SLC6A11: variants seen among roughly 807,000 people sequenced by gnomAD.
SLC6A11 encodes the protein sodium- and chloride-dependent GABA transporter 3.
A neutral mutation model predicts 74.8 loss-of-function variants in SLC6A11; 25 were observed. The observed-to-expected ratio is 0.33, with a 90% CI of 0.24 to 0.47. The LOEUF (loss-of-function observed/expected upper bound fraction) is 0.47. Among genes scored for constraint, SLC6A11 ranks in the 20% least tolerant of loss-of-function variants. SLC6A11 has a pLI of 1.00. For synonymous variants in SLC6A11, 330 were observed against 330.2 expected (o/e 1.00, Z 0.01); for missense variants, 574 against 837.0 (o/e 0.69, Z 3.88).
Position 10,896,133 on chromosome 3 carries a change from G to A in SLC6A11, c.892-15957G>A, listed in dbSNP as rs80339488. On this transcript the variant is annotated intron_variant, in intron 6 of 13. Transcript: ENST00000254488. ...CAGGGCCAGCTGTTGCAGCATTTCT[G>A]GGACAGAATGAGTGGGCCTGGCCTC... Among the ~76,000 whole-genome samples the A allele has an allele frequency of 1.2e-4, 19 of 152,324 alleles. No homozygotes were observed. In the East Asian group the frequency reaches 3.5e-3, roughly 28 times the overall value.
At chr3:10,852,196 G>T (rs1299026747) in intron 5 of SLC6A11, among the ~76,000 whole-genome samples, 1 of 152,248 alleles carries the variant, frequency 6.6e-6, no homozygotes, top group African/African-American at 2.4e-5. Context: ...TCTCCCAGCG[G>T]CCAGGGCCGA....
rs1695491206 is a variant in SLC6A11, at chr3:10,918,569, A to G, written c.1120+116A>G. On this transcript the variant is annotated intron_variant, in intron 8 of 13. Transcript: ENST00000254488. This position sits in a 1 kb window ranked among gnomAD's most constrained non-coding sequence, Gnocchi z 4.5. ...CACATCTCCTGGATTCAGGCCTCAG[A>G]AAGGGGCCCCACCATTCATCCACAA... The G allele has an allele frequency of 4.8e-6, 6 of 1,251,512 alleles. No homozygotes were observed. The highest frequency in any genetic ancestry group is 6.5e-6 in the Non-Finnish European group (6 of 928,960). The allele number at this position is 1,251,512 out of a possible 1,614,324, so 77.5% of individuals were successfully genotyped here. A position where few individuals can be genotyped will look rare whatever the true frequency, so the allele number is the denominator to read the frequency against.
intron 4 of SLC6A11, among the ~76,000 whole-genome samples, chr3:10,839,814 C>T (rs1694414506): frequency 6.6e-6 from 1 of 152,198 alleles, no homozygotes; most frequent in South Asian, 2.1e-4. Context: ...CTATTCCAAG[C>T]ACCACTTCAC....
intron 3 of SLC6A11, among the ~76,000 whole-genome samples, chr3:10,821,887 C>G (rs1694142772): frequency 1.3e-5 from 2 of 152,070 alleles, no homozygotes; most frequent in South Asian, 4.1e-4. Context: ...TCTCCTCTCT[C>G]CAGAAAAAGG....
intron 6 of SLC6A11, among the ~76,000 whole-genome samples, chr3:10,882,423 G>A (rs1294025242): frequency 6.6e-6 from 1 of 152,098 alleles, no homozygotes; most frequent in African/African-American, 2.4e-5. Flanking sequence ...TGTCTTCCCA[G>A]CTTGCACTCA....
chr3:10,937,445 A>G (rs1379556631), intron 13 of SLC6A11, among the ~76,000 whole-genome samples: 1 of 152,224 alleles, frequency 6.6e-6, no homozygotes, highest in African/African-American at 2.4e-5. Context: ...GATCTGAAAG[A>G]GAACATGGAA....
intron 6 of SLC6A11, among the ~76,000 whole-genome samples, chr3:10,883,153 C>A (rs976386366): frequency 1.4e-4 from 22 of 152,212 alleles, no homozygotes; most frequent in African/African-American, 5.1e-4. Flanking sequence ...AGCGACACAG[C>A]AGCTTGCCGC....
chr3:10,865,786 C>G (rs1176390139), intron 5 of SLC6A11, among the ~76,000 whole-genome samples: 1 of 152,222 alleles, frequency 6.6e-6, no homozygotes. Flanking sequence ...TATTGCTGTT[C>G]CTGGTTGACT....
chr3:10,832,885 A>C (rs1694315805), intron 4 of SLC6A11, among the ~76,000 whole-genome samples: 2 of 152,186 alleles, frequency 1.3e-5, no homozygotes, highest in Non-Finnish European at 2.9e-5. Context: ...GTAAAAGAAG[A>C]AAATACAGCA....
chr3:10,913,806 G>A (rs1695418721), intron 7 of SLC6A11, among the ~76,000 whole-genome samples: 1 of 152,128 alleles, frequency 6.6e-6, no homozygotes, highest in African/African-American at 2.4e-5. Flanking sequence ...CCATTCTCCT[G>A]CCTCAGCCTC....
intron 7 of SLC6A11, among the ~76,000 whole-genome samples, chr3:10,914,781 G>A (rs977393041): frequency 3.3e-5 from 5 of 152,258 alleles, no homozygotes; most frequent in Non-Finnish European, 4.4e-5. Context: ...GCAGGCTTCC[G>A]GGCTGGGCCA....
chr3:10,929,144 TG>T (rs1180898867), intron 9 of SLC6A11, 57 bp from the exon 10 acceptor site: 3 of 1,593,834 alleles, frequency 1.9e-6, no homozygotes, highest in Admixed American at 1.7e-5. Flanking sequence ...GCCCAGAGCC[TG>T]GGCCACCAGG....
In SLC6A11 at chr3:10,929,232, G is replaced by T; in HGVS notation, c.1264G>T (p.Val422Leu). 1 of 1,614,154 alleles carries T rather than the reference G, an allele frequency of 6.2e-7. No homozygotes were observed. The highest frequency in any genetic ancestry group is 8.5e-7 in the Non-Finnish European group (1 of 1,180,012). The change falls in exon 10 of 14, where the codon GTG becomes TTG. Residue 422 changes from valine to leucine, a missense_variant. Around this residue, in one of 4 missense-constraint regions of SLC6A11, gnomAD observed 257 missense variants for 341.5 expected, o/e 0.75. Transcript: ENST00000254488. ...FVCVESLVTA[V>L]VDMYPKVFRR... is the part of the protein sequence containing the mutation. ...GTGTGTGGAAAGCCTGGTGACCGCC[G>T]TGGTGGACATGTACCCCAAGGTTTT...
At chr3:10,824,709 T>C (rs1466803571) in intron 4 of SLC6A11, 2 of 152,218 alleles carry the variant, frequency 1.3e-5, no homozygotes, top group Non-Finnish European at 2.9e-5. Flanking sequence ...ATGAATGGCC[T>C]GTGTTGTATT....
intron 6 of SLC6A11, among the ~76,000 whole-genome samples, chr3:10,897,629 C>T (rs1364541702): frequency 6.6e-6 from 1 of 152,222 alleles, no homozygotes; most frequent in African/African-American, 2.4e-5. Flanking sequence ...GTGGGCAGCT[C>T]CACCCCTGTG....
chr3:10,837,635 C>T (rs1481851478), intron 4 of SLC6A11, among the ~76,000 whole-genome samples: 1 of 152,208 alleles, frequency 6.6e-6, no homozygotes, highest in Non-Finnish European at 1.5e-5. Flanking sequence ...GTGAGAAATG[C>T]AAGCTGTAAC....
chr3:10,925,788 CTTG>C (rs1481013284), intron 8 of SLC6A11, among the ~76,000 whole-genome samples: 1 of 152,194 alleles, frequency 6.6e-6, no homozygotes, highest in Non-Finnish European at 1.5e-5. Flanking sequence ...TTCCAAGGCC[CTTG>C]TTTACCTCTT....
At chr3:10,844,170 G>A (rs1234124139) in intron 4 of SLC6A11, 44 bp from the exon 5 acceptor site, 1 of 1,612,302 alleles carries the variant, frequency 6.2e-7, no homozygotes, top group Admixed American at 1.7e-5. Context: ...TGCTGAAAAT[G>A]GGCCAGCCCC....
rs143764701 is a variant in SLC6A11 at position 10,868,413 on chromosome 3, C to A, written c.757-6548C>A. On this transcript the variant is annotated intron_variant, in intron 5 of 13. Coordinates refer to ENST00000254488, the MANE Select transcript of SLC6A11 (RefSeq NM_014229.3). The stretch of plus-strand genomic sequence containing the variant: ...CCTGGGCGTAGGGGGAAAACCACCC[C>A]ACAATCCCAGTATTGGGATGTAAAT... Among the ~76,000 whole-genome samples the A allele has an allele frequency of 1.1e-3, 172 of 152,350 alleles. 1 individual carries two copies. The highest frequency in any genetic ancestry group is 3.8e-3 in the African/African-American group (160 of 41,578).
Sources: gnomAD v4.1 joint callset for allele counts (sites outside exome capture counted in the v4.1 genomes callset) on GRCh38, gnomAD v4.1.1 for gene constraint, gnomAD v4.1.1 regional missense constraint, Gnocchi (gnomAD v3.1) non-coding constraint, MANE v1.5 for transcripts, NCBI Gene and HGNC (gene_info 2026-07-23, HGNC 2026-07-21) for gene names.